Variants in KCTD16 observed in about 807,000 individuals in gnomAD.
KCTD16 encodes the protein BTB/POZ domain-containing protein KCTD16.
A neutral mutation model predicts 33.2 loss-of-function variants in KCTD16; 13 were observed. The ratio of observed to expected loss-of-function variants is 0.39; its 90% CI spans 0.25 to 0.62. The LOEUF is 0.62. Ranked by LOEUF, KCTD16 falls within the 20% of genes least tolerant of loss-of-function variation. The pLI is 0.50. For synonymous variants in KCTD16, 197 were observed against 195.3 expected (o/e 1.01, Z -0.07); for missense variants, 441 against 525.1 (o/e 0.84, Z 1.57).
intron 3 of KCTD16, among the ~76,000 whole-genome samples, chr5:144,335,733 G>A (rs949879377): frequency 6.6e-6 from 1 of 152,120 alleles, no homozygotes; most frequent in Non-Finnish European, 1.5e-5. Flanking sequence ...AACAGAAACA[G>A]AAAAGGCTAT....
At chr5:144,203,256 G>GTATTAA (rs766884629) in intron 2 of KCTD16, among the ~76,000 whole-genome samples, 6 of 151,480 alleles carry the variant, frequency 4.0e-5, no homozygotes, top group Admixed American at 6.6e-5. Context: ...CTTTTTAAGA[G>GTATTAA]TATTAATATT....
At chr5:144,439,460 G>T in intron 3 of KCTD16, 1 of 279,180 alleles carries the variant, frequency 3.6e-6, no homozygotes, top group Non-Finnish European at 7.0e-6. Flanking sequence ...CGCTACCCAA[G>T]AAGCCAGATG....
chr5:144,223,286 G>T (rs1253932568), intron 3 of KCTD16, among the ~76,000 whole-genome samples: 1 of 151,932 alleles, frequency 6.6e-6, no homozygotes, highest in Admixed American at 6.6e-5. Flanking sequence ...AGAACTTAAA[G>T]TATAATAAAA....
At chr5:144,416,831 GGATTT>G (rs1753065121) in intron 3 of KCTD16, among the ~76,000 whole-genome samples, 1 of 151,876 alleles carries the variant, frequency 6.6e-6, no homozygotes, top group African/African-American at 2.4e-5. Context: ...GTGTCTTTGT[GGATTT>G]ATTTTGGATA....
At chr5:144,444,404 CT>C (rs982902085) in intron 3 of KCTD16, among the ~76,000 whole-genome samples, 1 of 152,056 alleles carries the variant, frequency 6.6e-6, no homozygotes, top group African/African-American at 2.4e-5. Context: ...AAATCCCTAT[CT>C]TAACACCTCT....
At chr5:144,391,614 T>C (rs1047798615) in intron 3 of KCTD16, among the ~76,000 whole-genome samples, 3 of 152,198 alleles carry the variant, frequency 2.0e-5, no homozygotes, top group African/African-American at 7.2e-5. Flanking sequence ...ACTACAATAT[T>C]GGGCAAGTCT....
chr5:144,437,311 A>G (rs1354492663), intron 3 of KCTD16, among the ~76,000 whole-genome samples: 4 of 152,186 alleles, frequency 2.6e-5, no homozygotes, highest in African/African-American at 7.2e-5. Context: ...TTGGGCCTCT[A>G]CAATGGGAAA....
Position 144,187,875 on chromosome 5 carries a change from C to G in KCTD16, c.-327+13403C>G, listed in dbSNP as rs576547269. On this transcript the variant is annotated intron_variant, in intron 2 of 3. Coordinates refer to ENST00000512467, the MANE Select transcript of KCTD16 (RefSeq NM_020768.4). ...GTTTAGATTATTTTTGCCAGCAGCT[C>G]TTCTACTTCAGGCTGTGATTTCATC... Among the ~76,000 whole-genome samples the G allele has an allele frequency of 5.3e-5, 8 of 152,302 alleles. No individual in the cohort carries two copies. In the South Asian group the frequency reaches 6.2e-4, roughly 12 times the overall value.
At chr5:144,216,771 G>C (rs1019805533) in intron 3 of KCTD16, among the ~76,000 whole-genome samples, 6 of 151,642 alleles carry the variant, frequency 4.0e-5, no homozygotes, top group Non-Finnish European at 5.9e-5. Context: ...TTGAACCCGG[G>C]AGGTGGAGGT....
intron 3 of KCTD16, among the ~76,000 whole-genome samples, chr5:144,465,030 A>G (rs1163283665): frequency 1.3e-5 from 2 of 152,084 alleles, no homozygotes; most frequent in African/African-American, 2.4e-5. Context: ...CTAGCTACCT[A>G]TTTGCCCTAG....
chr5:144,401,589 G>A (rs1024125993), intron 3 of KCTD16, among the ~76,000 whole-genome samples: 35 of 152,282 alleles, frequency 2.3e-4, no homozygotes, highest in Admixed American at 2.1e-3. Flanking sequence ...GAGTGGGCAG[G>A]GTTTCCTGGG....
chr5:144,195,833 T>C (rs953784628), intron 2 of KCTD16, among the ~76,000 whole-genome samples: 9 of 152,160 alleles, frequency 5.9e-5, no homozygotes, highest in Non-Finnish European at 1.2e-4. Context: ...GGCACTTTGT[T>C]CTAGGCATGA....
intron 3 of KCTD16, among the ~76,000 whole-genome samples, chr5:144,431,722 A>G (rs58624891): frequency 0.013 from 1,925 of 152,258 alleles, 39 homozygotes; most frequent in African/African-American, 0.044. Context: ...GAGGGTTGGC[A>G]GTGGGAGACA....
intron 3 of KCTD16, among the ~76,000 whole-genome samples, chr5:144,281,088 AG>A (rs1287838206): frequency 6.6e-6 from 1 of 152,220 alleles, no homozygotes; most frequent in Non-Finnish European, 1.5e-5. Context: ...AGGCTGAAGC[AG>A]GAGAATGGCG....
intron 3 of KCTD16, among the ~76,000 whole-genome samples, chr5:144,285,167 C>G (rs1003579696): frequency 2.6e-5 from 4 of 152,166 alleles, no homozygotes; most frequent in African/African-American, 9.7e-5. Flanking sequence ...AAGAAAGAGA[C>G]CAGAGACTGA....
At chr5:144,337,903 T>C (rs1752530768) in intron 3 of KCTD16, among the ~76,000 whole-genome samples, 2 of 152,136 alleles carry the variant, frequency 1.3e-5, no homozygotes, top group African/African-American at 4.8e-5. Context: ...ACATATGAAA[T>C]GGGGAAAATG....
At chr5:144,299,980 G>C (rs1380020505) in intron 3 of KCTD16, among the ~76,000 whole-genome samples, 1 of 150,912 alleles carries the variant, frequency 6.6e-6, no homozygotes, top group South Asian at 2.1e-4. Flanking sequence ...AAACTTGTCA[G>C]TAATCATTTA....
At chr5:144,249,570 T>C (rs1754640361) in intron 3 of KCTD16, among the ~76,000 whole-genome samples, 1 of 152,182 alleles carries the variant, frequency 6.6e-6, no homozygotes, top group Admixed American at 6.5e-5. Context: ...AGAAAGCCTA[T>C]TCTCTGTTAT....
intron 3 of KCTD16, among the ~76,000 whole-genome samples, chr5:144,333,781 A>T (rs1752416101): frequency 6.6e-6 from 1 of 152,154 alleles, no homozygotes; most frequent in African/African-American, 2.4e-5. Flanking sequence ...TGCTTACATC[A>T]TGCTTGCTAA....
Sources: gnomAD v4.1 joint callset for allele counts (sites outside exome capture counted in the v4.1 genomes callset) on GRCh38, gnomAD v4.1.1 for gene constraint, MANE v1.5 for transcripts, NCBI Gene and HGNC (gene_info 2026-07-23, HGNC 2026-07-21) for gene names.